The following FRYL variants were observed in gnomAD, a reference collection of about 807,000 sequenced individuals.
FRYL encodes the protein protein furry homolog-like.
In FRYL, 150 loss-of-function variants were observed where a neutral mutation model predicts 351.2. The ratio of observed to expected loss-of-function variants is 0.43; its 90% CI spans 0.37 to 0.49. The LOEUF (loss-of-function observed/expected upper bound fraction) is 0.49, where lower values mean the gene tolerates loss of function less well. Among genes scored for constraint, FRYL ranks in the 20% least tolerant of loss-of-function variants. FRYL has a pLI of 0.00. For synonymous variants in FRYL, 1,153 were observed against 1,257.1 expected (o/e 0.92, Z 1.75); for missense variants, 3,036 against 3,619.3 (o/e 0.84, Z 4.13).
intron 26 of FRYL, among the ~76,000 whole-genome samples, chr4:48,572,938 C>G (rs1738670519): frequency 6.6e-6 from 1 of 152,206 alleles, no homozygotes; most frequent in Non-Finnish European, 1.5e-5. Context: ...CCATCCGGTC[C>G]TTTGCAGAAA....
chr4:48,580,974 CT>C, intron 21 of FRYL, 23 bp from the exon 22 acceptor site: 1 of 1,502,548 alleles, frequency 6.7e-7, no homozygotes, highest in African/African-American at 1.4e-5. Flanking sequence ...CATCATATGT[CT>C]AAAAAAATTA....
At chr4:48,648,090 T>A (rs1315186500) in intron 3 of FRYL, among the ~76,000 whole-genome samples, 2 of 152,194 alleles carry the variant, frequency 1.3e-5, no homozygotes, top group African/African-American at 4.8e-5. Flanking sequence ...TACCTACACA[T>A]GTTGTAGGTA....
chr4:48,689,966 G>A (rs1765530912), intron 2 of FRYL, among the ~76,000 whole-genome samples: 3 of 145,234 alleles, frequency 2.1e-5, no homozygotes, highest in South Asian at 4.3e-4. Context: ...GCGTAATCTC[G>A]GCTCACTGCA....
Position 48,515,075 on chromosome 4 carries a change from T to A in FRYL, c.7890A>T (p.Leu2630=), listed in dbSNP as rs374885575. The change falls in exon 56 of 64, where the codon CTA becomes CTT. Residue 2630 remains leucine, a synonymous_variant. Coordinates refer to ENST00000358350, the MANE Select transcript of FRYL (RefSeq NM_015030.2). ...EEDVTLALKE[L]DERCEEEEAD... ...CTTCTTCTTCTTCACATCTTTCATC[T>A]AGCTCTTTCAGAGCTAAGGTAACAT... 4.3e-6 allele frequency: 7 copies of A among 1,613,924 alleles called. No individual in the cohort carries two copies. Among genetic ancestry groups the A allele is most frequent in the Middle Eastern group, 1.7e-4 (1 of 6,060 alleles).
At position 48,740,491 on chromosome 4, in the gene FRYL, C is replaced by T. The variant is rs192513820; in HGVS notation, c.-383-29793G>A. Among the ~76,000 whole-genome samples the T allele has an allele frequency of 4.6e-5, 7 of 152,020 alleles. No individual in the cohort carries two copies. In the East Asian group the frequency reaches 1.2e-3, roughly 25 times the overall value. ...TGTATTTTCAGTAGAGACAGGGTTT[C>T]ACCATGTTAGCCAGGCTGGTCTCGA... is the stretch of plus-strand genomic sequence containing the variant. On this transcript the variant is annotated intron_variant, in intron 1 of 63. Coordinates refer to ENST00000358350, the MANE Select transcript of FRYL (RefSeq NM_015030.2).
chr4:48,528,852 A>G (rs16861347), intron 50 of FRYL, among the ~76,000 whole-genome samples: 4,149 of 152,306 alleles, frequency 0.027, 70 homozygotes, highest in Admixed American at 0.045. Context: ...CTGATGTGTA[A>G]TACTTCCAAA....
chr4:48,523,001 C>T lies in FRYL; in HGVS notation c.7421G>A (p.Ser2474Asn). Residue 2474 changes from serine (S) to asparagine (N), a missense_variant, in exon 54 of 64, where the codon AGC becomes AAC. Coordinates refer to ENST00000358350, the MANE Select transcript of FRYL (RefSeq NM_015030.2). ...PSLQEYQCSS[S>N]TPSLNLTNQE... ...ATTGGTGAGGTTCAGGCTGGGGGTG[C>T]TACTAGAGCACTGGTACTCCTGGAG... 1.9e-6 allele frequency: 3 copies of T among 1,613,856 alleles called. No homozygotes were observed. Among genetic ancestry groups the T allele is most frequent in the Middle Eastern group, 1.7e-4 (1 of 6,060 alleles).
chr4:48,529,114 G>A (rs1373522198), intron 50 of FRYL, among the ~76,000 whole-genome samples: 1 of 152,110 alleles, frequency 6.6e-6, no homozygotes, highest in Admixed American at 6.6e-5. Context: ...ATAGACCCGT[G>A]TTTTAGCCTA....
intron 16 of FRYL, among the ~76,000 whole-genome samples, chr4:48,592,082 T>TTTATATATATATA: frequency 8.6e-6 from 1 of 116,206 alleles, no homozygotes; most frequent in African/African-American, 4.5e-5. Context: ...AATAAAGCTC[T>TTTATATATATATA]TATATATATA....
intron 37 of FRYL, among the ~76,000 whole-genome samples, 168 bp downstream of exon 37, chr4:48,551,326 T>TA (rs1239939245): frequency 6.6e-6 from 1 of 152,226 alleles, no homozygotes; most frequent in Admixed American, 6.5e-5. Context: ...CTAGCATCTT[T>TA]AATGTTGAAA....
chr4:48,728,380 G>T (rs530488226), intron 1 of FRYL, among the ~76,000 whole-genome samples: 1 of 151,978 alleles, frequency 6.6e-6, no homozygotes, highest in South Asian at 2.1e-4. Context: ...CAAAACTCAA[G>T]AACTGTGGGA....
In FRYL at chr4:48,632,110, A is replaced by ATATG. The variant is rs1240378707; in HGVS notation, c.120+2180_120+2181insCATA. ...AAAAAAAATATATATATATATATAT[A>ATATG]TATATATATATATATATATGCGCAC... is the stretch of plus-strand genomic sequence containing the variant. On this transcript the variant is annotated intron_variant, in intron 4 of 63. Transcript: ENST00000358350. Among the ~76,000 whole-genome samples, 440 of 94,656 alleles carry ATATG rather than the reference A, an allele frequency of 4.6e-3. 3 individuals are homozygous for ATATG. Among genetic ancestry groups the ATATG allele is most frequent in the East Asian group, 0.012 (38 of 3,300 alleles). The allele number at this position is 94,656 out of a possible 152,430, so 62.1% of individuals were successfully genotyped here. A position where few individuals can be genotyped will look rare whatever the true frequency, so the allele number is the denominator to read the frequency against.
intron 32 of FRYL, among the ~76,000 whole-genome samples, chr4:48,562,542 T>C (rs551688204): frequency 6.6e-5 from 10 of 152,344 alleles, no homozygotes; most frequent in African/African-American, 2.4e-4. Context: ...GAGCTAATTA[T>C]TTTTCACATG....
In FRYL at chr4:48,534,827, A is replaced by G. The variant is rs1728513105; in HGVS notation, c.6565-142T>C. The stretch of plus-strand genomic sequence containing the variant: ...GTGGATTAGAAATCTAGAGACTAAT[A>G]AAGTGAAAGGCAGAGTCTATTACTG... On this transcript the variant is annotated intron_variant, in intron 48 of 63. Transcript: ENST00000358350. 3 of 552,322 alleles carry G rather than the reference A, an allele frequency of 5.4e-6. No individual in the cohort carries two copies. In the African/African-American group the frequency reaches 5.7e-5, roughly 10 times the overall value. The allele number at this position is 552,322 out of a possible 1,614,324, so 34.2% of individuals were successfully genotyped here.
At chr4:48,659,421 A>G (rs111445452) in intron 3 of FRYL, among the ~76,000 whole-genome samples, 22 of 1,438 alleles carry the variant, frequency 0.015, 9 homozygotes, top group Middle Eastern at 0.5. Context: ...GAGAAGGAGA[A>G]GGAGAAGAGG....
chr4:48,743,118 C>T (rs1485363118), intron 1 of FRYL, among the ~76,000 whole-genome samples: 3 of 151,708 alleles, frequency 2.0e-5, no homozygotes, highest in East Asian at 3.9e-4. Context: ...CACACTCAGA[C>T]AATCTGAGAT....
chr4:48,663,559 T>C (rs533743997), intron 3 of FRYL, among the ~76,000 whole-genome samples: 1 of 150,362 alleles, frequency 6.7e-6, no homozygotes, highest in Non-Finnish European at 1.5e-5. Flanking sequence ...AATAATTGAG[T>C]AAATAAAAGA....
At chr4:48,769,350 G>T (rs745471223) in intron 1 of FRYL, among the ~76,000 whole-genome samples, 2 of 152,022 alleles carry the variant, frequency 1.3e-5, no homozygotes, top group African/African-American at 2.4e-5. Flanking sequence ...GTTAATTTAG[G>T]GAAAGGCATA....
At position 48,593,956 on chromosome 4, in the gene FRYL, T is replaced by C; in HGVS notation, c.1309A>G (p.Thr437Ala). 6.9e-7 allele frequency: 1 copy of C among 1,457,956 alleles called. No individual in the cohort carries two copies. Among genetic ancestry groups the C allele is most frequent in the Non-Finnish European group, 9.1e-7 (1 of 1,097,462 alleles). 90.3% of individuals were successfully genotyped at this position (1,457,956 alleles called of 1,614,324 possible). Residue 437 changes from threonine to alanine, a missense_variant, in exon 16 of 64, where the codon ACT becomes GCT. Transcript: ENST00000358350. ...IFDLLSVGKS[T>A]KTFTINPERM... ...TCTGGATTAATGGTGAAAGTTTTAG[T>C]AGATTTTCCAACACTGAGAAGATCA... is the stretch of plus-strand genomic sequence containing the variant.
Sources: gnomAD v4.1 joint callset for allele counts (sites outside exome capture counted in the v4.1 genomes callset) on GRCh38, gnomAD v4.1.1 for gene constraint, MANE v1.5 for transcripts, NCBI Gene and HGNC (gene_info 2026-07-23, HGNC 2026-07-21) for gene names.